Variants in OTOP1 observed in about 807,000 individuals in gnomAD.
OTOP1 encodes proton channel OTOP1.
Under a neutral mutation model 52.9 loss-of-function variants are expected in OTOP1, and 59 were observed. That is an observed-to-expected ratio of 1.12 (90% CI 0.91 to 1.39). The LOEUF (loss-of-function observed/expected upper bound fraction) is 1.39, where lower values mean the gene tolerates loss of function less well. OTOP1 is among the 40% of genes most tolerant of loss of function. The probability of loss-of-function intolerance (pLI) is 0.00; values close to 1 mark genes in which losing one functional copy is unlikely to be tolerated. For missense variants in OTOP1, 761 were observed against 800.9 expected, an observed-to-expected ratio of 0.95 and a Z score of 0.60; for synonymous variants, 317 against 337.7, an observed-to-expected ratio of 0.94 and a Z score of 0.67.
intron 2 of OTOP1, among the ~76,000 whole-genome samples, chr4:4,208,689 A>G (rs1372113701): frequency 6.6e-6 from 1 of 152,150 alleles, no homozygotes; most frequent in Admixed American, 6.6e-5. Context: ...AAAGGTCCTC[A>G]GATTGGTTGT....
Position 4,212,950 on chromosome 4 carries a change from C to A in OTOP1, c.458G>T (p.Gly153Val), listed in dbSNP as rs777306441. The change falls in exon 2 of 6, where the codon GGA (glycine) becomes GTA (valine). Residue 153 changes from glycine to valine, a missense_variant. By Grantham distance (109) the Gly-to-Val change is moderately radical. Transcript: ENST00000296358. ...ITVILGCLKI[G>V]YFIGFSECLS... ...ACATTCTGAAAATCCAATGAAGTAT[C>A]CAATTTTAAGGCATCCCAGGATGAC... The A allele has an allele frequency of 2.5e-6, 4 of 1,613,852 alleles. No homozygotes were observed. In the South Asian group the frequency reaches 3.3e-5, roughly 13 times the overall value.
In OTOP1 at chr4:4,208,780, TAA is replaced by T. The variant is rs34906027; in HGVS notation, c.541-2652_541-2651del. ...GGTAAGTGTTATGTGATTGTCAAAC[TAA>T]AAAAAAAAAAAGACACTAGAAAAAA... On this transcript the variant is annotated intron_variant, in intron 2 of 5. Transcript: ENST00000296358. 4.2e-3 allele frequency among the ~76,000 whole-genome samples: 611 copies of T among 146,122 alleles called. 1 individual carries two copies. The highest frequency in any genetic ancestry group is 0.013 in the African/African-American group (509 of 40,032).
At chr4:4,209,426 C>T (rs908607038) in intron 2 of OTOP1, among the ~76,000 whole-genome samples, 3 of 152,110 alleles carry the variant, frequency 2.0e-5, no homozygotes, top group South Asian at 2.1e-4. Context: ...CATTGACTTG[C>T]CTGGCCAATA....
At chr4:4,199,864 T>C (rs1173839915) in intron 4 of OTOP1, among the ~76,000 whole-genome samples, 1 of 152,176 alleles carries the variant, frequency 6.6e-6, no homozygotes, top group Admixed American at 6.5e-5. Context: ...GCAGAAATAA[T>C]TTTCAGTGGA....
chr4:4,210,112 C>T (rs1313793426), intron 2 of OTOP1, among the ~76,000 whole-genome samples: 6 of 152,212 alleles, frequency 3.9e-5, no homozygotes, highest in African/African-American at 1.2e-4. Flanking sequence ...ACTGACACCC[C>T]TATGGTGTGT....
At chr4:4,198,207 C>T (rs1472010697) in intron 4 of OTOP1, 104 bp from the exon 5 acceptor site, 3 of 909,104 alleles carry the variant, frequency 3.3e-6, no homozygotes, top group Non-Finnish European at 5.0e-6. Context: ...CTTGGGTCTT[C>T]CCACTGGATT....
intron 1 of OTOP1, among the ~76,000 whole-genome samples, chr4:4,225,126 C>T (rs1358815167): frequency 6.6e-6 from 1 of 152,202 alleles, no homozygotes; most frequent in Non-Finnish European, 1.5e-5. Context: ...TATGAGAGTC[C>T]AAGTGGCAAT....
At chr4:4,206,534 G>A (rs1716910692) in intron 2 of OTOP1, among the ~76,000 whole-genome samples, 2 of 152,226 alleles carry the variant, frequency 1.3e-5, no homozygotes. Context: ...CCAGTGGCCA[G>A]AAAGGAAATG....
chr4:4,197,059 G>T, intron 5 of OTOP1, 107 bp downstream of exon 5: 1 of 1,198,464 alleles, frequency 8.3e-7, no homozygotes, highest in Non-Finnish European at 1.2e-6. Context: ...CCAAACCTCA[G>T]CAACACGCAA....
intron 2 of OTOP1, among the ~76,000 whole-genome samples, chr4:4,210,861 T>C (rs903012021): frequency 7.2e-5 from 11 of 152,098 alleles, no homozygotes; most frequent in East Asian, 3.9e-4. Context: ...ACCAGGCATA[T>C]TGAATTTGGG....
chr4:4,212,163 A>G (rs1158067621), intron 2 of OTOP1, among the ~76,000 whole-genome samples: 1 of 152,218 alleles, frequency 6.6e-6, no homozygotes. Context: ...TGATAACATT[A>G]CCATGGATTT....
chr4:4,189,466 C>G (rs142647365), intron 5 of OTOP1, among the ~76,000 whole-genome samples: 1 of 152,186 alleles, frequency 6.6e-6, no homozygotes, highest in African/African-American at 2.4e-5. Flanking sequence ...TCCTCACTCC[C>G]GCTTCCGGCT....
chr4:4,226,500 C>T lies in OTOP1; in HGVS notation c.365G>A (p.Arg122His), dbSNP rs778870306. 3.9e-5 allele frequency: 62 copies of T among 1,577,018 alleles called. No homozygotes were observed. The highest frequency in any genetic ancestry group is 5.1e-5 in the Non-Finnish European group (60 of 1,169,190). Residue 122 changes from arginine (R) to histidine (H), a missense_variant, in exon 1 of 6, where the codon CGC becomes CAC. Physicochemically the swap from Arg to His is conservative, Grantham distance 29 (BLOSUM62 0). Coordinates refer to ENST00000296358, the MANE Select transcript of OTOP1 (RefSeq NM_177998.3). ...GRSSAHRRLF[R>H]LKDTHAGAGW... The stretch of plus-strand genomic sequence containing the variant: ...GGCACCCGCGTGCGTGTCCTTGAGG[C>T]GGAAGAGGCGGCGGTGCGCGGAGCT...
chr4:4,218,158 G>A (rs775471200), intron 1 of OTOP1, among the ~76,000 whole-genome samples: 3 of 151,988 alleles, frequency 2.0e-5, no homozygotes, highest in South Asian at 2.1e-4. Context: ...TTGGGAGGCC[G>A]AGGCAGATGG....
In OTOP1 at chr4:4,210,119, G is replaced by A. The variant is rs1716992288; in HGVS notation, c.540+2749C>T. ...CTCACCTAACTGACACCCCTATGGT[G>A]TGTGCCATAGATTTTGCAGCCTTGT... On this transcript the variant is annotated intron_variant, in intron 2 of 5. Transcript: ENST00000296358. Among the ~76,000 whole-genome samples the A allele has an allele frequency of 2.0e-5, 3 of 152,204 alleles. No homozygotes were observed. In the South Asian group the frequency reaches 6.2e-4, roughly 32 times the overall value.
At chr4:4,200,710 C>A (rs1477451824) in intron 4 of OTOP1, among the ~76,000 whole-genome samples, 2 of 142,696 alleles carry the variant, frequency 1.4e-5, no homozygotes, top group African/African-American at 5.3e-5. Context: ...CAAGCCCATG[C>A]CAGCATGCCT....
intron 5 of OTOP1, among the ~76,000 whole-genome samples, chr4:4,190,143 T>C (rs1716470793): frequency 6.6e-6 from 1 of 152,168 alleles, no homozygotes; most frequent in Non-Finnish European, 1.5e-5. Context: ...TCCAGGGACC[T>C]GCGGCTGTGG....
At position 4,198,209 on chromosome 4, in the gene OTOP1, C is replaced by T. The variant is rs1241596114; in HGVS notation, c.731-106G>A. On this transcript the variant is annotated intron_variant, in intron 4 of 5. Transcript: ENST00000296358. ...CCGTGGATTCAGGCTTGGGTCTTCC[C>T]ACTGGATTATGAGCTTTATCATGTC... 6 of 898,504 alleles carry T rather than the reference C, an allele frequency of 6.7e-6. No homozygotes were observed. In the African/African-American group the frequency reaches 1.0e-4, roughly 15 times the overall value. The allele number at this position is 898,504 out of a possible 1,614,324, so 55.7% of individuals were successfully genotyped here.
chr4:4,193,212 C>G (rs1560204397), intron 5 of OTOP1, among the ~76,000 whole-genome samples: 3 of 152,030 alleles, frequency 2.0e-5, no homozygotes, highest in Non-Finnish European at 4.4e-5. Flanking sequence ...TCCAGTGAGC[C>G]CTGCCTTGCC....
Sources: allele counts gnomAD v4.1 joint callset (sites outside exome capture counted in the v4.1 genomes callset), GRCh38; gene constraint gnomAD v4.1.1; transcripts MANE v1.5; gene names NCBI Gene and HGNC (gene_info 2026-07-23, HGNC 2026-07-21).